C19orf44: variants seen among roughly 807,000 people sequenced by gnomAD.
C19orf44 encodes chromosome 19 open reading frame 44, also known as uncharacterized protein C19orf44.
Under a neutral mutation model 50.7 loss-of-function variants are expected in C19orf44, and 43 were observed. That is an observed-to-expected ratio of 0.85 (90% CI 0.66 to 1.09). The LOEUF is 1.09. Ranked by LOEUF, C19orf44 falls within the 50% of genes least tolerant of loss-of-function variation. The pLI, the probability that C19orf44 is intolerant of heterozygous loss-of-function variation, is 0.00. For missense variants in C19orf44, 722 were observed against 836.2 expected (o/e 0.86, Z 1.68); for synonymous variants, 298 against 334.7 (o/e 0.89, Z 1.20).
chr19:16,519,457 AG>A lies in C19orf44; in HGVS notation c.*41-636del. On this transcript the variant is annotated intron_variant, in intron 8 of 8. Coordinates refer to ENST00000221671, the MANE Select transcript of C19orf44 (RefSeq NM_032207.4). This position sits in a 1 kb window ranked among gnomAD's most constrained non-coding sequence, Gnocchi z 6.0. ...GGCAGTGTAGACATGGGAAATGGGT[AG>A]AGAGAACCCGCAGGCCGGCCCTGTC... 1 of 1,339,770 alleles carries A rather than the reference AG, an allele frequency of 7.5e-7. No individual in the cohort carries two copies. The highest frequency in any genetic ancestry group is 1.0e-6 in the Non-Finnish European group (1 of 963,784). The allele number at this position is 1,339,770 out of a possible 1,614,324, so 83.0% of individuals were successfully genotyped here. A position where few individuals can be genotyped will look rare whatever the true frequency, so the allele number is the denominator to read the frequency against.
At chr19:16,506,621 G>A in intron 3 of C19orf44, 80 bp from the exon 4 acceptor site, 1 of 971,710 alleles carries the variant, frequency 1.0e-6, no homozygotes, top group Non-Finnish European at 1.5e-6. Flanking sequence ...AAAGAAAAAA[G>A]AAATTTGGAA....
chr19:16,517,644 G>A (rs916055362), intron 8 of C19orf44, among the ~76,000 whole-genome samples: 1 of 152,230 alleles, frequency 6.6e-6, no homozygotes, highest in African/African-American at 2.4e-5. Context: ...CAGCAGGACA[G>A]GGGCCACCAG....
intron 7 of C19orf44, among the ~76,000 whole-genome samples, chr19:16,516,050 G>A (rs1001092762): frequency 6.6e-6 from 1 of 152,080 alleles, no homozygotes; most frequent in South Asian, 2.1e-4. Flanking sequence ...CACCTGCCTC[G>A]GCCTCCCAAA....
rs1220267353 is a variant in C19orf44 at position 16,521,174 on chromosome 19, G to C, written c.*1121G>C. ...GGGGACCCATGGTCTGTGGAACTGGGAAACAGGAACACTGACTCATGGGTG... is the reference window on the plus strand; with the variant it reads ...GGGGACCCATGGTCTGTGGAACTGGCAAACAGGAACACTGACTCATGGGTG... On this transcript the variant is annotated 3_prime_UTR_variant, in exon 9 of 9. Transcript: ENST00000221671. 5.1e-6 allele frequency: 3 copies of C among 585,188 alleles called. No homozygotes were observed. Among genetic ancestry groups the C allele is most frequent in the Non-Finnish European group, 6.1e-6 (2 of 327,308 alleles). The allele number at this position is 585,188 out of a possible 1,614,324, so 36.2% of individuals were successfully genotyped here.
Position 16,496,419 on chromosome 19 carries a change from G to C in C19orf44, c.-48G>C. On this transcript the variant is annotated 5_prime_UTR_variant, in exon 1 of 9. Transcript: ENST00000221671. ...GTTGCCCAGGGCAACCGCTCCTTCA[G>C]GCGTGAATGTGGCGGCTGCCTCTGC... The C allele has an allele frequency of 2.1e-6, 1 of 469,878 alleles. No homozygotes were observed. Among genetic ancestry groups the C allele is most frequent in the Non-Finnish European group, 3.9e-6 (1 of 257,080 alleles). The allele number at this position is 469,878 out of a possible 1,614,324, so 29.1% of individuals were successfully genotyped here.
At position 16,519,166 on chromosome 19, in the gene C19orf44, C is replaced by A; in HGVS notation, c.*41-928C>A. 1 of 1,613,162 alleles carries A rather than the reference C, an allele frequency of 6.2e-7. No homozygotes were observed. Among genetic ancestry groups the A allele is most frequent in the Non-Finnish European group, 8.5e-7 (1 of 1,179,776 alleles). ...GGCTCCCGGCATGGGCGCCTACTTACACTCGTCCCTGGCCTTCATGCGGGC... is the reference window on the plus strand; with the variant it reads ...GGCTCCCGGCATGGGCGCCTACTTAAACTCGTCCCTGGCCTTCATGCGGGC... On this transcript the variant is annotated intron_variant, in intron 8 of 8. Coordinates refer to ENST00000221671, the MANE Select transcript of C19orf44 (RefSeq NM_032207.4). The surrounding 1 kb of genome is among the most constrained non-coding windows in gnomAD (Gnocchi z 6.0).
chr19:16,504,874 A>G (rs1384469817), intron 3 of C19orf44, among the ~76,000 whole-genome samples: 3 of 150,102 alleles, frequency 2.0e-5, no homozygotes, highest in Admixed American at 6.7e-5. Context: ...GCTGGAGTGC[A>G]ATGGCGTGAT....
At chr19:16,502,404 A>AGG (rs545010316) in intron 2 of C19orf44, among the ~76,000 whole-genome samples, 194 of 150,702 alleles carry the variant, frequency 1.3e-3, no homozygotes, top group African/African-American at 4.6e-3. Context: ...CGCCCAGCTA[A>AGG]TTTTTGTATT....
In C19orf44 at chr19:16,519,546, G is replaced by T. The variant is rs1442442766; in HGVS notation, c.*41-548G>T. The T allele has an allele frequency of 1.4e-6, 2 of 1,396,234 alleles. No homozygotes were observed. Among genetic ancestry groups the T allele is most frequent in the Non-Finnish European group, 2.0e-6 (2 of 984,886 alleles). The allele number at this position is 1,396,234 out of a possible 1,614,324, so 86.5% of individuals were successfully genotyped here. A position where few individuals can be genotyped will look rare whatever the true frequency, so the allele number is the denominator to read the frequency against. ...ATCCATCCCCACATGCACTGAGGAA[G>T]AGAAAGCGCTGGTGACTCCCGGGCC... On this transcript the variant is annotated intron_variant, in intron 8 of 8. Coordinates refer to ENST00000221671, the MANE Select transcript of C19orf44 (RefSeq NM_032207.4). The surrounding 1 kb of genome is among the most constrained non-coding windows in gnomAD (Gnocchi z 6.0).
At chr19:16,501,588 T>A (rs139945315) in intron 2 of C19orf44, 37 bp downstream of exon 2, 54,710 of 1,271,668 alleles carry the variant, frequency 0.043, 1,315 homozygotes, top group Non-Finnish European at 0.049. Context: ...TATTTTAATT[T>A]ATTTAATTTA....
In C19orf44 at chr19:16,506,477, C is replaced by T. The variant is rs533560766; in HGVS notation, c.1076-224C>T. 2.0e-5 allele frequency among the ~76,000 whole-genome samples: 3 copies of T among 151,954 alleles called. No individual in the cohort carries two copies. The East Asian group carries it at 5.8e-4, about 30-fold the overall frequency. Reference sequence around the variant, plus strand: ...GCGAGGTGTCAGGCACCTGTAATCCCAGCTACTCAGGAGGCTGAGGTGAGA... The same window carrying T: ...GCGAGGTGTCAGGCACCTGTAATCCTAGCTACTCAGGAGGCTGAGGTGAGA... On this transcript the variant is annotated intron_variant, in intron 3 of 8. Coordinates refer to ENST00000221671, the MANE Select transcript of C19orf44 (RefSeq NM_032207.4).
chr19:16,520,754 TG>T lies in C19orf44; in HGVS notation c.*705del. 7.0e-7 allele frequency: 1 copy of T among 1,427,462 alleles called. No individual in the cohort carries two copies. The highest frequency in any genetic ancestry group is 9.9e-7 in the Non-Finnish European group (1 of 1,015,188). 88.4% of individuals were successfully genotyped at this position (1,427,462 alleles called of 1,614,324 possible). On this transcript the variant is annotated 3_prime_UTR_variant, in exon 9 of 9. Transcript: ENST00000221671. This position sits in a 1 kb window ranked among gnomAD's most constrained non-coding sequence, Gnocchi z 4.0. ...TGAGGGTGGACGTGATGAGTGTATC[TG>T]GGGTCTGCTCCCACCCATCACAAGC...
chr19:16,509,929 T>C lies in C19orf44; in HGVS notation c.1580T>C (p.Leu527Pro), dbSNP rs772916260. 2 of 1,614,272 alleles carry C rather than the reference T, an allele frequency of 1.2e-6. No individual in the cohort carries two copies. The highest frequency in any genetic ancestry group is 2.2e-5 in the South Asian group (2 of 91,092). ...KKSGRHVTRVLVKDTAVQTPD... is the reference protein window; with the variant it reads ...KKSGRHVTRVPVKDTAVQTPD... The stretch of plus-strand genomic sequence containing the variant: ...TCGGGCAGGCACGTGACAAGAGTGC[T>C]TGTGAAGGACACAGCTGTGCAGACG... Residue 527 changes from leucine to proline, a missense_variant, in exon 5 of 9, where the codon CTT becomes CCT. Physicochemically the swap from Leu to Pro is moderately conservative, Grantham distance 98. Transcript: ENST00000221671.
Position 16,503,101 on chromosome 19 carries a change from G to T in C19orf44, c.796G>T (p.Val266Leu). 1 of 1,614,014 alleles carries T rather than the reference G, an allele frequency of 6.2e-7. No homozygotes were observed. The highest frequency in any genetic ancestry group is 8.5e-7 in the Non-Finnish European group (1 of 1,180,024). Reference sequence around the variant, plus strand: ...ACTGAGAGCATTTACTGTACCCAGCGTGGAACTCTCCAGCGCAAAGCCTTC... The same window carrying T: ...ACTGAGAGCATTTACTGTACCCAGCTTGGAACTCTCCAGCGCAAAGCCTTC... Reference protein sequence around the residue: ...SQLRAFTVPSVELSSAKPSQT... With the variant: ...SQLRAFTVPSLELSSAKPSQT... Residue 266 changes from valine (V) to leucine (L), a missense_variant, in exon 3 of 9, where the codon GTG (valine) becomes TTG (leucine). Transcript: ENST00000221671.
rs1448811450 is a variant in C19orf44 at position 16,519,432 on chromosome 19, G to C, written c.*41-662G>C. 2.1e-6 allele frequency: 3 copies of C among 1,456,370 alleles called. No individual in the cohort carries two copies. Among genetic ancestry groups the C allele is most frequent in the African/African-American group, 1.4e-5 (1 of 71,280 alleles). The allele number at this position is 1,456,370 out of a possible 1,614,324, so 90.2% of individuals were successfully genotyped here. ...ACGTGGGGGGCTGAATGTCCAGACA[G>C]GCAGTGTAGACATGGGAAATGGGTA... On this transcript the variant is annotated intron_variant, in intron 8 of 8. Coordinates refer to ENST00000221671, the MANE Select transcript of C19orf44 (RefSeq NM_032207.4). The surrounding 1 kb of genome is among the most constrained non-coding windows in gnomAD (Gnocchi z 6.0).
rs1264192657 is a variant in C19orf44, at chr19:16,520,788, C to T, written c.*735C>T. The T allele has an allele frequency of 1.3e-6, 2 of 1,586,772 alleles. No homozygotes were observed. Among genetic ancestry groups the T allele is most frequent in the African/African-American group, 2.7e-5 (2 of 74,452 alleles). ...CTCCCACCCATCACAAGCTGTGGAC[C>T]CTGGCCCCCCGGCCACTGCAGACAT... is the stretch of plus-strand genomic sequence containing the variant. On this transcript the variant is annotated 3_prime_UTR_variant, in exon 9 of 9. Coordinates refer to ENST00000221671, the MANE Select transcript of C19orf44 (RefSeq NM_032207.4). The surrounding 1 kb of genome is among the most constrained non-coding windows in gnomAD (Gnocchi z 4.0).
intron 6 of C19orf44, 52 bp from the exon 7 acceptor site, chr19:16,514,445 C>G: frequency 1.3e-6 from 2 of 1,492,906 alleles, no homozygotes; most frequent in South Asian, 1.3e-5. Flanking sequence ...GGGGGGGCTG[C>G]AGAATTTGTG....
In C19orf44 at chr19:16,506,132, C is replaced by T. The variant is rs1476880442; in HGVS notation, c.1076-569C>T. 1.3e-5 allele frequency among the ~76,000 whole-genome samples: 2 copies of T among 151,982 alleles called. 1 individual carries two copies. The highest frequency in any genetic ancestry group is 4.2e-4 in the South Asian group (2 of 4,814). Reference sequence around the variant, plus strand: ...CTGGGACTACAGGCACCCGCCACCACGCCTGGCTAATTTTTTGTATTTTTA... The same window carrying T: ...CTGGGACTACAGGCACCCGCCACCATGCCTGGCTAATTTTTTGTATTTTTA... On this transcript the variant is annotated intron_variant, in intron 3 of 8. Coordinates refer to ENST00000221671, the MANE Select transcript of C19orf44 (RefSeq NM_032207.4).
Position 16,503,346 on chromosome 19 carries a change from G to A in C19orf44, c.1041G>A (p.Glu347=). The change falls in exon 3 of 9, where the codon GAG becomes GAA. Residue 347 remains glutamate (E), a synonymous_variant. Coordinates refer to ENST00000221671, the MANE Select transcript of C19orf44 (RefSeq NM_032207.4). ...PGRSEAETVD[E]PVSEGADDSL... is the part of the protein sequence containing the mutation. Reference sequence around the variant, plus strand: ...GGAGTGAGGCTGAGACTGTGGACGAGCCAGTCTCAGAAGGTGCTGATGACA... The same window carrying A: ...GGAGTGAGGCTGAGACTGTGGACGAACCAGTCTCAGAAGGTGCTGATGACA... 1.2e-6 allele frequency: 2 copies of A among 1,613,174 alleles called. No homozygotes were observed. Among genetic ancestry groups the A allele is most frequent in the East Asian group, 2.2e-5 (1 of 44,854 alleles).
Sources: allele counts gnomAD v4.1 joint callset (sites outside exome capture counted in the v4.1 genomes callset), GRCh38; gene constraint gnomAD v4.1.1; non-coding constraint Gnocchi (gnomAD v3.1); transcripts MANE v1.5; gene names NCBI Gene and HGNC (gene_info 2026-07-23, HGNC 2026-07-21).